Variants in MAN2A1 observed in about 807,000 individuals in gnomAD.
MAN2A1 encodes alpha-mannosidase 2.
Under a neutral mutation model 142.6 loss-of-function variants are expected in MAN2A1, and 76 were observed. The ratio of observed to expected loss-of-function variants is 0.53; its 90% CI spans 0.44 to 0.65. The LOEUF (loss-of-function observed/expected upper bound fraction) is 0.65. MAN2A1 is among the 30% of genes least tolerant of loss of function. The pLI is 0.00. For synonymous variants in MAN2A1, 559 were observed against 473.2 expected (o/e 1.18, Z -2.35); for missense variants, 1,311 against 1,365.1 (o/e 0.96, Z 0.62).
intron 4 of MAN2A1, among the ~76,000 whole-genome samples, chr5:109,743,264 A>C (rs750213109): frequency 6.6e-6 from 1 of 152,090 alleles, no homozygotes; most frequent in Non-Finnish European, 1.5e-5. Context: ...TTCATTTTGC[A>C]TGCTTTTCCA....
At chr5:109,861,017 C>G (rs1016266148) in intron 20 of MAN2A1, among the ~76,000 whole-genome samples, 2 of 152,128 alleles carry the variant, frequency 1.3e-5, no homozygotes, top group Non-Finnish European at 2.9e-5. Flanking sequence ...AAATTCATAG[C>G]TAGTGCAAAG....
At chr5:109,767,508 A>C (rs767594098) in intron 5 of MAN2A1, 27 bp from the exon 6 acceptor site, 1 of 1,589,038 alleles carries the variant, frequency 6.3e-7, no homozygotes, top group Admixed American at 1.8e-5. Context: ...AATTAAAAAA[A>C]TTAACACTTA....
chr5:109,796,718 G>A (rs987262810), intron 12 of MAN2A1, among the ~76,000 whole-genome samples: 1 of 152,144 alleles, frequency 6.6e-6, no homozygotes, highest in Non-Finnish European at 1.5e-5. Context: ...AATCAGAGCT[G>A]GTATAGAAGA....
chr5:109,803,162 T>C (rs551673395), intron 12 of MAN2A1, among the ~76,000 whole-genome samples: 143 of 152,204 alleles, frequency 9.4e-4, no homozygotes, highest in African/African-American at 3.4e-3. Context: ...TTTAGTCTGC[T>C]ATGATTTTGT....
chr5:109,811,036 T>G (rs567079698), intron 12 of MAN2A1, among the ~76,000 whole-genome samples: 1 of 151,946 alleles, frequency 6.6e-6, no homozygotes, highest in African/African-American at 2.4e-5. Context: ...ATTTTTAAGA[T>G]AGAAAAATTT....
Position 109,795,478 on chromosome 5 carries a change from A to G in MAN2A1, c.1943+5951A>G, listed in dbSNP as rs558181856. On this transcript the variant is annotated intron_variant, in intron 12 of 21. Transcript: ENST00000261483. ...CTCTTAGTTTCCCATTAAAGCTCAT[A>G]TGAAAATGTAGAAGATGATGAACAG... Among the ~76,000 whole-genome samples the G allele has an allele frequency of 3.3e-5, 5 of 152,304 alleles. No individual in the cohort carries two copies. The East Asian group carries it at 9.6e-4, about 29-fold the overall frequency.
chr5:109,725,416 A>G (rs1309656776), intron 3 of MAN2A1, among the ~76,000 whole-genome samples: 8 of 152,170 alleles, frequency 5.3e-5, no homozygotes, highest in African/African-American at 1.7e-4. Context: ...CCTACAAACT[A>G]CAGCCTCTTG....
At chr5:109,821,092 AAAG>A (rs1329134983) in intron 15 of MAN2A1, among the ~76,000 whole-genome samples, 1 of 152,202 alleles carries the variant, frequency 6.6e-6, no homozygotes, top group Admixed American at 6.5e-5. Flanking sequence ...GCCAGAAACT[AAAG>A]AAAACATTAA....
Position 109,833,516 on chromosome 5 carries a change from G to A in MAN2A1, c.2567-8812G>A, listed in dbSNP as rs1241816771. Among the ~76,000 whole-genome samples the A allele has an allele frequency of 3.9e-5, 6 of 152,230 alleles. No homozygotes were observed. In the South Asian group the frequency reaches 6.2e-4, roughly 16 times the overall value. On this transcript the variant is annotated intron_variant, in intron 16 of 21. Coordinates refer to ENST00000261483, the MANE Select transcript of MAN2A1 (RefSeq NM_002372.4). Reference sequence around the variant, plus strand: ...AACCCCGTCTCCACCAAAAAAATCCGAAAACCAGTCAGGCGTGGAGGCGTG... The same window carrying A: ...AACCCCGTCTCCACCAAAAAAATCCAAAAACCAGTCAGGCGTGGAGGCGTG...
chr5:109,774,706 T>A (rs987705989), intron 7 of MAN2A1, 82 bp from the exon 8 acceptor site: 6 of 1,028,204 alleles, frequency 5.8e-6, no homozygotes, highest in African/African-American at 1.7e-5. Flanking sequence ...ATTTGGTTAT[T>A]TCCTTTTTAA....
At chr5:109,800,537 T>C (rs1753994414) in intron 12 of MAN2A1, among the ~76,000 whole-genome samples, 1 of 152,152 alleles carries the variant, frequency 6.6e-6, no homozygotes, top group South Asian at 2.1e-4. Context: ...CATTTCAGCT[T>C]TGTTTATCAT....
At chr5:109,731,979 T>C (rs1306347531) in intron 4 of MAN2A1, among the ~76,000 whole-genome samples, 6 of 152,132 alleles carry the variant, frequency 3.9e-5, no homozygotes, top group East Asian at 1.9e-4. Context: ...GTCCCACCAA[T>C]AGTGTAAAAG....
intron 1 of MAN2A1, among the ~76,000 whole-genome samples, chr5:109,709,898 C>A (rs1418479953): frequency 6.6e-6 from 1 of 152,126 alleles, no homozygotes; most frequent in Non-Finnish European, 1.5e-5. Flanking sequence ...TATAAGTATT[C>A]TTTGACTTCT....
intron 12 of MAN2A1, among the ~76,000 whole-genome samples, chr5:109,798,430 A>G (rs975675568): frequency 6.6e-6 from 1 of 152,176 alleles, no homozygotes; most frequent in Admixed American, 6.5e-5. Context: ...ATGGCCCATT[A>G]GCAGCTCCAT....
rs368506479 is a variant in MAN2A1, at chr5:109,833,129, G to A, written c.2567-9199G>A. On this transcript the variant is annotated intron_variant, in intron 16 of 21. Coordinates refer to ENST00000261483, the MANE Select transcript of MAN2A1 (RefSeq NM_002372.4). ...AGACGATGGGTGGCCGGGCAGAGAC[G>A]CTCCTCACTTCCCAGAGGGGATGGC... Among the ~76,000 whole-genome samples the A allele has an allele frequency of 3.3e-4, 50 of 149,988 alleles. No individual in the cohort carries two copies. In the South Asian group the frequency reaches 9.5e-3, roughly 28 times the overall value.
Position 109,756,834 on chromosome 5 carries a change from A to G in MAN2A1, c.835+1378A>G, listed in dbSNP as rs1582865498. On this transcript the variant is annotated intron_variant, in intron 5 of 21. Coordinates refer to ENST00000261483, the MANE Select transcript of MAN2A1 (RefSeq NM_002372.4). ...GGCTCACTGTTTTTAATCTGTTTGT[A>G]CAAACAAAATAGTTTGTGCTAAACA... Among the ~76,000 whole-genome samples, 3 of 152,206 alleles carry G rather than the reference A, an allele frequency of 2.0e-5. No homozygotes were observed. The South Asian group carries it at 6.2e-4, about 31-fold the overall frequency.
intron 4 of MAN2A1, among the ~76,000 whole-genome samples, chr5:109,741,162 T>G (rs2112605931): frequency 6.6e-6 from 1 of 152,314 alleles, no homozygotes; most frequent in East Asian, 1.9e-4. Flanking sequence ...AATACAGGCT[T>G]GATCGTGAAC....
intron 12 of MAN2A1, among the ~76,000 whole-genome samples, chr5:109,803,618 G>A (rs1754087989): frequency 6.6e-6 from 1 of 152,016 alleles, no homozygotes; most frequent in Non-Finnish European, 1.5e-5. Flanking sequence ...AGGCAGAATT[G>A]TCATGGAAAG....
chr5:109,799,534 C>A (rs1031527636), intron 12 of MAN2A1, among the ~76,000 whole-genome samples: 9 of 152,138 alleles, frequency 5.9e-5, no homozygotes, highest in Admixed American at 4.6e-4. Flanking sequence ...GCGGGCAGAT[C>A]ACCTGAGGTC....
Sources: gnomAD v4.1 joint callset for allele counts (sites outside exome capture counted in the v4.1 genomes callset) on GRCh38, gnomAD v4.1.1 for gene constraint, MANE v1.5 for transcripts, NCBI Gene and HGNC (gene_info 2026-07-23, HGNC 2026-07-21) for gene names.